Variants in PCDHA3 observed in about 807,000 individuals in gnomAD.
PCDHA3 encodes protocadherin alpha 3.
Under a neutral mutation model 62.2 loss-of-function variants are expected in PCDHA3, and 41 were observed. That is an observed-to-expected ratio of 0.66 (90% CI 0.51 to 0.86). The LOEUF (loss-of-function observed/expected upper bound fraction) is 0.86, where lower values mean the gene tolerates loss of function less well. Among genes scored for constraint, PCDHA3 ranks in the 40% least tolerant of loss-of-function variants. The pLI is 0.00. For missense variants in PCDHA3, 1,304 were observed against 1,241.2 expected, an observed-to-expected ratio of 1.05 and a Z score of -0.76; for synonymous variants, 640 against 555.4, an observed-to-expected ratio of 1.15 and a Z score of -2.14.
chr5:140,920,530 G>T (rs2079676121), intron 1 of PCDHA3, among the ~76,000 whole-genome samples: 1 of 152,148 alleles, frequency 6.6e-6, no homozygotes, highest in African/African-American at 2.4e-5. Context: ...GTTAGACTCA[G>T]GTTTTCTATT....
At chr5:140,831,893 T>C (rs1326674462) in intron 1 of PCDHA3, among the ~76,000 whole-genome samples, 2 of 152,204 alleles carry the variant, frequency 1.3e-5, no homozygotes, top group African/African-American at 4.8e-5. Flanking sequence ...TAACTGTGTT[T>C]GCCAAATAGC....
At chr5:140,901,137 A>T (rs2068464747) in intron 1 of PCDHA3, among the ~76,000 whole-genome samples, 1 of 151,974 alleles carries the variant, frequency 6.6e-6, no homozygotes, top group South Asian at 2.1e-4. Flanking sequence ...TAGATTGTAA[A>T]TATTTTCTCT....
intron 1 of PCDHA3, among the ~76,000 whole-genome samples, chr5:140,973,877 A>G (rs782563295): frequency 6.6e-6 from 1 of 152,234 alleles, no homozygotes; most frequent in Non-Finnish European, 1.5e-5. Context: ...AGGTCAGAAT[A>G]ATGTCAATTT....
At chr5:140,957,023 G>C (rs1360382480) in intron 1 of PCDHA3, among the ~76,000 whole-genome samples, 2 of 152,100 alleles carry the variant, frequency 1.3e-5, no homozygotes, top group Non-Finnish European at 2.9e-5. Flanking sequence ...TGAGCATTTA[G>C]ATATTTATGG....
Position 140,853,252 on chromosome 5 carries a change from C to T in PCDHA3, c.2394+49661C>T. 3 of 974,906 alleles carry T rather than the reference C, an allele frequency of 3.1e-6. 1 individual carries two copies. 60.4% of individuals were successfully genotyped at this position (974,906 alleles called of 1,614,324 possible). On this transcript the variant is annotated intron_variant, in intron 1 of 3. Transcript: ENST00000522353. ...TTAGTCCTTCATATTAATCTCTATT[C>T]TCTCTCAGAGTACAAGCTCTCATCA...
At chr5:140,814,223 T>G (rs184891993) in intron 1 of PCDHA3, 76 of 152,744 alleles carry the variant, frequency 5.0e-4, no homozygotes, top group East Asian at 7.7e-4. Context: ...AGTGTTTTTT[T>G]TTGTTGTTGT....
rs782285589 is a variant in PCDHA3, at chr5:140,803,065, G to T, written c.1868G>T (p.Arg623Leu). The T allele has an allele frequency of 7.4e-6, 12 of 1,613,962 alleles. No individual in the cohort carries two copies. Among genetic ancestry groups the T allele is most frequent in the East Asian group, 6.7e-5 (3 of 44,878 alleles). The stretch of plus-strand genomic sequence containing the variant: ...ACCGGCGGTGCGCGCATCCCGTTTC[G>T]CGTGGGGCTGTACACGGGAGAGATC... Reference protein sequence around the residue: ...PGTGGARIPFRVGLYTGEIST... With the variant: ...PGTGGARIPFLVGLYTGEIST... The change falls in exon 1 of 4, where the codon CGC becomes CTC. Residue 623 changes from arginine (R) to leucine (L), a missense_variant. By Grantham distance (102) the Arg-to-Leu change is moderately radical. Transcript: ENST00000522353.
chr5:140,843,140 C>G (rs1432182351), intron 1 of PCDHA3: 1 of 1,595,908 alleles, frequency 6.3e-7, no homozygotes, highest in Non-Finnish European at 8.6e-7. Context: ...CAACGCGTGG[C>G]TTTCGTATGA....
chr5:140,876,194 C>G (rs782432614), intron 1 of PCDHA3: 38 of 1,613,742 alleles, frequency 2.4e-5, no homozygotes, highest in Non-Finnish European at 2.9e-5. Context: ...AATGGTCCGG[C>G]GTTTGATAAG....
chr5:140,867,523 A>AGT (rs2050005446), intron 1 of PCDHA3: 1 of 152,088 alleles, frequency 6.6e-6, no homozygotes, highest in South Asian at 2.1e-4. Context: ...TTAATAGTTG[A>AGT]ATATATATAT....
At chr5:140,961,936 T>C (rs1163967895) in intron 1 of PCDHA3, among the ~76,000 whole-genome samples, 1 of 151,364 alleles carries the variant, frequency 6.6e-6, no homozygotes, top group Non-Finnish European at 1.5e-5. Flanking sequence ...CAGGCTGGAG[T>C]GCAGTGGCAT....
At chr5:140,941,255 C>CTTTCTTTCTTTCTCTT (rs782490896) in intron 1 of PCDHA3, among the ~76,000 whole-genome samples, 1 of 44,508 alleles carries the variant, frequency 2.2e-5, no homozygotes, top group East Asian at 7.5e-4. Context: ...TTCTTTCTTT[C>CTTTCTTTCTTTCTCTT]TCTTTCTTTC....
At chr5:140,883,121 G>A in intron 1 of PCDHA3, 3 of 1,614,070 alleles carry the variant, frequency 1.9e-6, no homozygotes, top group Non-Finnish European at 2.5e-6. Context: ...TAGAAGGCCT[G>A]TATGGCCTGC....
At chr5:140,809,794 A>G (rs1764545260) in intron 1 of PCDHA3, 3 of 458,452 alleles carry the variant, frequency 6.5e-6, no homozygotes, top group South Asian at 4.4e-5. Context: ...ACAGAACTGT[A>G]ATTTCTAGTA....
At chr5:140,913,205 C>G (rs2076252546) in intron 1 of PCDHA3, among the ~76,000 whole-genome samples, 1 of 152,176 alleles carries the variant, frequency 6.6e-6, no homozygotes, top group South Asian at 2.1e-4. Context: ...GCAGTGAAGC[C>G]AATGGGTCCC....
intron 3 of PCDHA3, among the ~76,000 whole-genome samples, chr5:140,987,333 T>C (rs1470731690): frequency 6.6e-6 from 1 of 152,158 alleles, no homozygotes; most frequent in East Asian, 1.9e-4. Context: ...TAAGAACTGG[T>C]CTAAGGTAAA....
At chr5:140,939,119 C>A (rs1427966155) in intron 1 of PCDHA3, among the ~76,000 whole-genome samples, 9 of 152,170 alleles carry the variant, frequency 5.9e-5, no homozygotes, top group African/African-American at 1.7e-4. Flanking sequence ...TTTCACAATT[C>A]TGGAAGCTGG....
rs2150326253 is a variant in PCDHA3 at position 140,841,946 on chromosome 5, C to A, written c.2394+38355C>A. 13 of 1,613,790 alleles carry A rather than the reference C, an allele frequency of 8.1e-6. No homozygotes were observed. The highest frequency in any genetic ancestry group is 2.7e-5 in the African/African-American group (2 of 74,876). ...GGACAGAGAGGACGCTCCTGCGCAC[C>A]ACTTATTCCTGACAGCCACAGATGG... On this transcript the variant is annotated intron_variant, in intron 1 of 3. Coordinates refer to ENST00000522353, the MANE Select transcript of PCDHA3 (RefSeq NM_018906.3).
chr5:140,830,243 T>A (rs1770923485), intron 1 of PCDHA3: 2 of 1,613,790 alleles, frequency 1.2e-6, no homozygotes, highest in Admixed American at 1.7e-5. Flanking sequence ...GCTACTGCTG[T>A]ACACAGCGCT....
Sources: allele counts gnomAD v4.1 joint callset (sites outside exome capture counted in the v4.1 genomes callset), GRCh38; gene constraint gnomAD v4.1.1; transcripts MANE v1.5; gene names NCBI Gene and HGNC (gene_info 2026-07-23, HGNC 2026-07-21).